The following CACNA1C variants were observed in gnomAD, a reference collection of about 807,000 sequenced individuals.
The protein encoded by CACNA1C is calcium voltage-gated channel subunit alpha1 C.
A neutral mutation model predicts 229.0 loss-of-function variants in CACNA1C; 30 were observed. The observed-to-expected ratio is 0.13, with a 90% CI of 0.10 to 0.18. The LOEUF is 0.18. Among genes scored for constraint, CACNA1C ranks in the 10% least tolerant of loss-of-function variants. CACNA1C has a pLI of 1.00. For synonymous variants in CACNA1C, 1,114 were observed against 1,132.5 expected, an observed-to-expected ratio of 0.98 and a Z score of 0.33; for missense variants, 1,658 against 2,845.0, an observed-to-expected ratio of 0.58 and a Z score of 9.49.
chr12:2,114,410 C>G (rs1024856102), intron 1 of CACNA1C, among the ~76,000 whole-genome samples: 9 of 152,144 alleles, frequency 5.9e-5, no homozygotes, highest in Admixed American at 2.0e-4. Flanking sequence ...GGAAGTCACA[C>G]AGTGTCACTT....
intron 3 of CACNA1C, among the ~76,000 whole-genome samples, chr12:2,320,610 G>A (rs566676326): frequency 6.6e-6 from 1 of 152,332 alleles, no homozygotes; most frequent in South Asian, 2.1e-4. Flanking sequence ...AGGAGAAGGG[G>A]AGGGCTGGTT....
intron 1 of CACNA1C, among the ~76,000 whole-genome samples, chr12:1,975,005 C>T (rs1343854503): frequency 1.3e-5 from 2 of 152,070 alleles, no homozygotes; most frequent in African/African-American, 4.8e-5. Flanking sequence ...ATAGGAATAG[C>T]TCTGCTGAAA....
intron 1 of CACNA1C, among the ~76,000 whole-genome samples, chr12:2,110,558 CG>C (rs1399622556): frequency 6.6e-6 from 1 of 152,180 alleles, no homozygotes; most frequent in Admixed American, 6.5e-5. Flanking sequence ...GTGGTGATTT[CG>C]TGCTAACAAA....
intron 3 of CACNA1C, among the ~76,000 whole-genome samples, chr12:2,434,956 C>T (rs1030633158): frequency 5.9e-5 from 9 of 152,212 alleles, no homozygotes; most frequent in South Asian, 2.1e-4. Flanking sequence ...ACCCTTTGAT[C>T]GTGAACCGTC....
rs555787258 is a variant in CACNA1C, at chr12:2,357,430, T to C, written c.478-91546T>C. Among the ~76,000 whole-genome samples, 3 of 152,304 alleles carry C rather than the reference T, an allele frequency of 2.0e-5. No individual in the cohort carries two copies. The East Asian group carries it at 5.8e-4, about 29-fold the overall frequency. On this transcript the variant is annotated intron_variant, in intron 3 of 46. Coordinates refer to ENST00000399655, the MANE Select transcript of CACNA1C (RefSeq NM_000719.7). Reference sequence around the variant, plus strand: ...CTAATTTGGGGCATGTTTTGTTTGGTTCATCTTGTATCTGGAGAGGTTCTT... The same window carrying C: ...CTAATTTGGGGCATGTTTTGTTTGGCTCATCTTGTATCTGGAGAGGTTCTT...
At chr12:2,290,053 T>C (rs1360506120) in intron 3 of CACNA1C, among the ~76,000 whole-genome samples, 1 of 152,234 alleles carries the variant, frequency 6.6e-6, no homozygotes, top group Non-Finnish European at 1.5e-5. Context: ...TTAGTATTTC[T>C]TTGACTTTAC....
chr12:2,372,144 C>T (rs1478268319), intron 3 of CACNA1C, among the ~76,000 whole-genome samples: 2 of 152,154 alleles, frequency 1.3e-5, no homozygotes, highest in African/African-American at 4.8e-5. Context: ...ATGATGTAGA[C>T]AACCACAGAT....
At chr12:2,058,359 T>C (rs1400047437) in intron 1 of CACNA1C, among the ~76,000 whole-genome samples, 1 of 152,206 alleles carries the variant, frequency 6.6e-6, no homozygotes, top group Non-Finnish European at 1.5e-5. Flanking sequence ...GACAATTTTA[T>C]TTTCCAATAT....
chr12:2,423,168 C>T (rs2098995274), intron 3 of CACNA1C, among the ~76,000 whole-genome samples: 1 of 151,948 alleles, frequency 6.6e-6, no homozygotes, highest in South Asian at 2.1e-4. Context: ...GTGAGAGGGC[C>T]CTCTCTGCTC....
chr12:2,206,590 C>A (rs546208483), intron 3 of CACNA1C, among the ~76,000 whole-genome samples: 2 of 152,344 alleles, frequency 1.3e-5, no homozygotes, highest in South Asian at 4.1e-4. Context: ...TGTGTACCCA[C>A]CTCCCTACCT....
chr12:2,439,055 GGTAAT>G (rs1370278393), intron 3 of CACNA1C, among the ~76,000 whole-genome samples: 1 of 152,162 alleles, frequency 6.6e-6, no homozygotes, highest in East Asian at 1.9e-4. Context: ...CCAAAGAAGA[GGTAAT>G]CACCATGAGC....
chr12:1,980,822 A>C (rs889685913), intron 1 of CACNA1C, among the ~76,000 whole-genome samples: 2 of 151,958 alleles, frequency 1.3e-5, no homozygotes, highest in Admixed American at 6.6e-5. Flanking sequence ...GGCCAGGAGG[A>C]AACAGAGATG....
At chr12:2,219,040 G>A (rs760867699) in intron 3 of CACNA1C, among the ~76,000 whole-genome samples, 1 of 152,224 alleles carries the variant, frequency 6.6e-6, no homozygotes, top group African/African-American at 2.4e-5. Context: ...GAAGGGTTGA[G>A]TATGAACCAA....
intron 3 of CACNA1C, among the ~76,000 whole-genome samples, chr12:2,184,008 T>C (rs937657208): frequency 6.6e-6 from 1 of 152,214 alleles, no homozygotes; most frequent in African/African-American, 2.4e-5. Context: ...CTCTGCCTGG[T>C]CTGAAAGCTT....
Position 2,029,399 on chromosome 12 carries a change from C to G in CACNA1C, c.139+58198C>G, listed in dbSNP as rs556614317. Among the ~76,000 whole-genome samples, 2 of 152,228 alleles carry G rather than the reference C, an allele frequency of 1.3e-5. No homozygotes were observed. The highest frequency in any genetic ancestry group is 1.3e-4 in the Admixed American group (2 of 15,300). On this transcript the variant is annotated intron_variant, in intron 1 of 46. Coordinates refer to the CACNA1C transcript ENST00000682462. This position sits in a 1 kb window ranked among gnomAD's most constrained non-coding sequence, Gnocchi z 4.9. ...CTTTTTCATTAGTCCCGAAGGAAAC[C>G]CTGTACCCATTAAGAAGACACTCCC...
chr12:2,167,038 C>G (rs767375420), intron 3 of CACNA1C, among the ~76,000 whole-genome samples: 5 of 152,250 alleles, frequency 3.3e-5, no homozygotes, highest in Non-Finnish European at 7.3e-5. Flanking sequence ...TTTTATCAGT[C>G]TCAGTTTCTT....
intron 1 of CACNA1C, among the ~76,000 whole-genome samples, chr12:2,013,589 C>G (rs2044802261): frequency 6.6e-6 from 1 of 152,132 alleles, no homozygotes; most frequent in Non-Finnish European, 1.5e-5. Flanking sequence ...ATGCAAAAAA[C>G]ACAGATACAG....
At chr12:2,052,781 G>C (rs2052614547), upstream of CACNA1C, among the ~76,000 whole-genome samples, 1 of 145,372 alleles carries the variant, frequency 6.9e-6, no homozygotes, top group Non-Finnish European at 1.5e-5. Flanking sequence ...GCCGGGAGGG[G>C]GCCCGACTTC....
At chr12:2,260,110 T>C (rs1226080499) in intron 3 of CACNA1C, among the ~76,000 whole-genome samples, 1 of 152,156 alleles carries the variant, frequency 6.6e-6, no homozygotes, top group Non-Finnish European at 1.5e-5. Flanking sequence ...ATCCTGCACC[T>C]CCACATGGTC....
Sources: gnomAD v4.1 joint callset for allele counts (sites outside exome capture counted in the v4.1 genomes callset) on GRCh38, gnomAD v4.1.1 for gene constraint, Gnocchi (gnomAD v3.1) non-coding constraint, MANE v1.5 for transcripts, NCBI Gene and HGNC (gene_info 2026-07-23, HGNC 2026-07-21) for gene names.